SH3GL3: variants seen among roughly 807,000 people sequenced by gnomAD.
SH3GL3 encodes the protein SH3 domain containing GRB2 like 3, endophilin A3.
Under a neutral mutation model 47.7 loss-of-function variants are expected in SH3GL3, and 33 were observed. That is an observed-to-expected ratio of 0.69 (90% CI 0.52 to 0.92). The LOEUF (loss-of-function observed/expected upper bound fraction) is 0.92. Ranked by LOEUF, SH3GL3 falls within the 40% of genes least tolerant of loss-of-function variation. The pLI, the probability that SH3GL3 is intolerant of heterozygous loss-of-function variation, is 0.00. For synonymous variants in SH3GL3, 155 were observed against 148.8 expected, an observed-to-expected ratio of 1.04 and a Z score of -0.30; for missense variants, 363 against 417.8, an observed-to-expected ratio of 0.87 and a Z score of 1.14.
intron 1 of SH3GL3, chr15:83,489,070 C>T (rs1241441965): frequency 6.6e-6 from 1 of 152,200 alleles, no homozygotes; most frequent in Non-Finnish European, 1.5e-5. Context: ...AGCAGCTTAA[C>T]TTGTGTAGCA....
intron 1 of SH3GL3, among the ~76,000 whole-genome samples, chr15:83,537,006 G>A (rs2043941710): frequency 6.6e-6 from 1 of 152,164 alleles, no homozygotes; most frequent in Non-Finnish European, 1.5e-5. Flanking sequence ...CATCACTGTA[G>A]GTAGCTGGGG....
chr15:83,607,315 A>G (rs2060543780), intron 8 of SH3GL3, among the ~76,000 whole-genome samples: 1 of 152,242 alleles, frequency 6.6e-6, no homozygotes, highest in African/African-American at 2.4e-5. Context: ...CTGGGATTAC[A>G]AACCAGGCAA....
chr15:83,502,962 C>A (rs2042353734), intron 1 of SH3GL3, among the ~76,000 whole-genome samples: 1 of 152,122 alleles, frequency 6.6e-6, no homozygotes, highest in African/African-American at 2.4e-5. Flanking sequence ...CTTCTATTTC[C>A]TTTAGGAGCA....
At chr15:83,573,540 C>T (rs903517619) in intron 5 of SH3GL3, among the ~76,000 whole-genome samples, 2 of 152,190 alleles carry the variant, frequency 1.3e-5, no homozygotes, top group Non-Finnish European at 2.9e-5. Flanking sequence ...TTCTGATGCA[C>T]GCTAATGTTC....
chr15:83,613,339 A>G (rs1202201275), intron 8 of SH3GL3, among the ~76,000 whole-genome samples: 1 of 152,174 alleles, frequency 6.6e-6, no homozygotes, highest in Non-Finnish European at 1.5e-5. Flanking sequence ...GTGCTGATGG[A>G]GTGTGATATG....
At chr15:83,568,764 T>C in intron 4 of SH3GL3, 92 bp downstream of exon 4, 1 of 846,518 alleles carries the variant, frequency 1.2e-6, no homozygotes, top group Non-Finnish European at 1.8e-6. Context: ...CAACCTTTGT[T>C]ATTTTTCCAT....
At chr15:83,568,727 A>G (rs2045676614) in intron 4 of SH3GL3, 55 bp downstream of exon 4, 1 of 1,373,408 alleles carries the variant, frequency 7.3e-7, no homozygotes, top group East Asian at 2.3e-5. Flanking sequence ...GTATGGTTTT[A>G]GGTTATACAC....
At chr15:83,550,629 A>G (rs2044615254) in intron 1 of SH3GL3, among the ~76,000 whole-genome samples, 1 of 152,132 alleles carries the variant, frequency 6.6e-6, no homozygotes, top group African/African-American at 2.4e-5. Context: ...ACCTCAAGTG[A>G]TCTGCCTGCT....
intron 6 of SH3GL3, among the ~76,000 whole-genome samples, chr15:83,585,881 C>T (rs771508049): frequency 2.6e-5 from 4 of 152,186 alleles, no homozygotes; most frequent in Non-Finnish European, 4.4e-5. Flanking sequence ...AATTTAAGTA[C>T]AGGCAACTAA....
chr15:83,498,432 C>T (rs11632085), intron 1 of SH3GL3, among the ~76,000 whole-genome samples: 27,568 of 152,098 alleles, frequency 0.18, 2,904 homozygotes, highest in South Asian at 0.45. Flanking sequence ...AAAGGCAAAG[C>T]TCTTGGCAAA....
rs71156085 is a variant in SH3GL3 at position 83,541,312 on chromosome 15, A to ATTTTTTTTTTTTTTTT, written c.46-17917_46-17902dup. On this transcript the variant is annotated intron_variant, in intron 1 of 8. Coordinates refer to ENST00000427482, the MANE Select transcript of SH3GL3 (RefSeq NM_003027.5). ...GATGGCTGGATCATATGGTAATTCTATTTTTTTTTTTTTTTTTTTTTTTTT... is the reference window on the plus strand; with the variant it reads ...GATGGCTGGATCATATGGTAATTCTATTTTTTTTTTTTTTTTTTTTTTTTTTTTTTTTTTTTTTTTT... 3.0e-4 allele frequency among the ~76,000 whole-genome samples: 14 copies of ATTTTTTTTTTTTTTTT among 47,366 alleles called. 4 individuals are homozygous for ATTTTTTTTTTTTTTTT. Among genetic ancestry groups the ATTTTTTTTTTTTTTTT allele is most frequent in the African/African-American group, 7.6e-4 (11 of 14,382 alleles). 31.1% of individuals were successfully genotyped at this position (47,366 alleles called of 152,430 possible). A position where few individuals can be genotyped will look rare whatever the true frequency, so the allele number is the denominator to read the frequency against.
chr15:83,543,855 T>G (rs151269550), intron 1 of SH3GL3, among the ~76,000 whole-genome samples: 75 of 152,234 alleles, frequency 4.9e-4, no homozygotes, highest in African/African-American at 1.7e-3. Flanking sequence ...GTGGTATTGG[T>G]TTTAATGTCT....
intron 8 of SH3GL3, among the ~76,000 whole-genome samples, chr15:83,607,628 A>G (rs1490606520): frequency 2.0e-5 from 3 of 152,082 alleles, no homozygotes. Context: ...CATCATAGCT[A>G]GCCTTTCTGA....
Position 83,587,076 on chromosome 15 carries a change from C to G in SH3GL3, c.718C>G (p.Leu240Val), listed in dbSNP as rs1261334709. Residue 240 changes from leucine (L) to valine (V), a missense_variant, in exon 7 of 9, where the codon CTA (leucine) becomes GTA (valine). Physicochemically the swap from Leu to Val is conservative, Grantham distance 32. Transcript: ENST00000427482. ...TEILQELQSK[L>V]QMRISAASSV... Reference sequence around the variant, plus strand: ...GATTCTGCAGGAGCTGCAGAGCAAGCTACAGATGCGGTAAGCACCTCCACG... The same window carrying G: ...GATTCTGCAGGAGCTGCAGAGCAAGGTACAGATGCGGTAAGCACCTCCACG... 6.3e-7 allele frequency: 1 copy of G among 1,591,492 alleles called. No homozygotes were observed.
At chr15:83,587,178 C>G (rs920568318) in intron 7 of SH3GL3, 92 bp downstream of exon 7, 2 of 645,164 alleles carry the variant, frequency 3.1e-6, no homozygotes, top group Non-Finnish European at 5.4e-6. Context: ...TCCATCTCCC[C>G]CTTCCCCTGC....
At chr15:83,470,303 C>T (rs192570045) in intron 1 of SH3GL3, among the ~76,000 whole-genome samples, 9 of 152,330 alleles carry the variant, frequency 5.9e-5, no homozygotes, top group Admixed American at 5.9e-4. Flanking sequence ...CAGCTCACTG[C>T]AACCTCTGCC....
chr15:83,538,725 C>T (rs1196434459), intron 1 of SH3GL3, among the ~76,000 whole-genome samples: 3 of 151,964 alleles, frequency 2.0e-5, no homozygotes, highest in Non-Finnish European at 2.9e-5. Flanking sequence ...CATTATAATA[C>T]TATATAGTGT....
At chr15:83,526,674 G>T (rs1326463253) in intron 1 of SH3GL3, among the ~76,000 whole-genome samples, 1 of 152,080 alleles carries the variant, frequency 6.6e-6, no homozygotes, top group Non-Finnish European at 1.5e-5. Context: ...AGGGTGGAGG[G>T]TTGAAGGAAG....
At position 83,538,293 on chromosome 15, in the gene SH3GL3, C is replaced by T. The variant is rs148919314; in HGVS notation, c.46-20960C>T. On this transcript the variant is annotated intron_variant, in intron 1 of 8. Coordinates refer to ENST00000427482, the MANE Select transcript of SH3GL3 (RefSeq NM_003027.5). ...TAAACTTCCTTCTAGAAGAATAAAT[C>T]AGGATAAATGCAATCAATGTAAATA... 2.4e-4 allele frequency among the ~76,000 whole-genome samples: 36 copies of T among 152,252 alleles called. No homozygotes were observed. In the East Asian group the frequency reaches 6.8e-3, roughly 29 times the overall value.
Sources: allele counts gnomAD v4.1 joint callset (sites outside exome capture counted in the v4.1 genomes callset), GRCh38; gene constraint gnomAD v4.1.1; transcripts MANE v1.5; gene names NCBI Gene and HGNC (gene_info 2026-07-23, HGNC 2026-07-21).